Variants in SGCZ observed in about 807,000 individuals in gnomAD.
SGCZ encodes zeta-sarcoglycan.
SGCZ carries 40 observed loss-of-function variants against 41.3 expected under a neutral mutation model. The observed-to-expected ratio is 0.97, with a 90% CI of 0.75 to 1.26. The LOEUF is 1.26. Ranked by LOEUF, SGCZ falls within the 50% of genes most tolerant of loss-of-function variation. The pLI, the probability that SGCZ is intolerant of heterozygous loss-of-function variation, is 0.00. For synonymous variants in SGCZ, 206 were observed against 137.5 expected (o/e 1.50, Z -3.49); for missense variants, 552 against 369.8 (o/e 1.49, Z -4.04).
intron 5 of SGCZ, among the ~76,000 whole-genome samples, chr8:14,121,281 AATC>A (rs1382881887): frequency 2.0e-5 from 3 of 151,946 alleles, no homozygotes; most frequent in Non-Finnish European, 4.4e-5. Flanking sequence ...ATATTAGAAA[AATC>A]AACATGTCAC....
Position 14,118,126 on chromosome 8 carries a change from A to G in SGCZ, c.548-9891T>C, listed in dbSNP as rs143211955. On this transcript the variant is annotated intron_variant, in intron 5 of 7. Coordinates refer to ENST00000382080, the MANE Select transcript of SGCZ (RefSeq NM_139167.4). ...TAATGGGATTTCTAGGTCAAATGGT[A>G]TTTCTAGTTCTAGATCCTTGAGGAA... Among the ~76,000 whole-genome samples, 577 of 152,108 alleles carry G rather than the reference A, an allele frequency of 3.8e-3. 5 individuals are homozygous for G. Among genetic ancestry groups the G allele is most frequent in the Middle Eastern group, 0.024 (7 of 294 alleles).
intron 1 of SGCZ, among the ~76,000 whole-genome samples, chr8:14,926,859 G>T (rs28704701): frequency 0.12 from 18,576 of 151,842 alleles, 1,298 homozygotes; most frequent in African/African-American, 0.19. Context: ...CAGGAAGGTC[G>T]TGATCTCCTG....
intron 2 of SGCZ, among the ~76,000 whole-genome samples, chr8:14,462,124 T>G (rs1157555109): frequency 6.6e-6 from 1 of 152,076 alleles, no homozygotes; most frequent in Non-Finnish European, 1.5e-5. Context: ...CTCATAGACA[T>G]GTTTTAAATA....
At chr8:14,659,888 C>T (rs184876915) in intron 1 of SGCZ, among the ~76,000 whole-genome samples, 7 of 152,134 alleles carry the variant, frequency 4.6e-5, no homozygotes, top group African/African-American at 1.7e-4. Context: ...CACACTTTAG[C>T]CCTAATCCAG....
intron 1 of SGCZ, among the ~76,000 whole-genome samples, chr8:15,184,858 T>C (rs1400512985): frequency 2.0e-5 from 3 of 152,142 alleles, no homozygotes; most frequent in African/African-American, 7.2e-5. Context: ...CAAACATTCA[T>C]CACGCGTTCC....
intron 1 of SGCZ, among the ~76,000 whole-genome samples, chr8:14,763,300 G>A (rs371777616): frequency 1.3e-5 from 2 of 152,228 alleles, no homozygotes; most frequent in South Asian, 4.1e-4. Flanking sequence ...AAGCAGTTCA[G>A]TGTTTTTTCA....
intron 1 of SGCZ, among the ~76,000 whole-genome samples, chr8:15,010,811 C>G (rs1802799250): frequency 1.3e-5 from 2 of 152,150 alleles, no homozygotes; most frequent in African/African-American, 4.8e-5. Context: ...AGGTCCTTGT[C>G]ACCCATGGTG....
At chr8:14,678,098 CAT>C (rs1808332108) in intron 1 of SGCZ, among the ~76,000 whole-genome samples, 1 of 152,022 alleles carries the variant, frequency 6.6e-6, no homozygotes, top group Admixed American at 6.6e-5. Context: ...TTTCAAGTAA[CAT>C]AGGAGAAAAT....
At chr8:14,102,113 T>TG (rs1235625696) in intron 7 of SGCZ, among the ~76,000 whole-genome samples, 2 of 147,834 alleles carry the variant, frequency 1.4e-5, no homozygotes, top group Non-Finnish European at 3.0e-5. Context: ...TAATTTTTTT[T>TG]TTTTTTAGTA....
At chr8:14,266,750 G>C (rs531385309) in intron 3 of SGCZ, among the ~76,000 whole-genome samples, 3 of 152,032 alleles carry the variant, frequency 2.0e-5, no homozygotes, top group Non-Finnish European at 4.4e-5. Context: ...AAGCAACTAA[G>C]AGCAAAATCC....
At chr8:14,412,974 AT>A (rs1480305961) in intron 2 of SGCZ, among the ~76,000 whole-genome samples, 11 of 152,026 alleles carry the variant, frequency 7.2e-5, no homozygotes, top group Non-Finnish European at 1.6e-4. Context: ...GCTAGCATTC[AT>A]AATTTGTATA....
At chr8:14,919,373 G>A (rs374586701) in intron 1 of SGCZ, among the ~76,000 whole-genome samples, 1 of 151,870 alleles carries the variant, frequency 6.6e-6, no homozygotes. Flanking sequence ...CCCGGGAGGC[G>A]GAGGTTACAG....
chr8:14,833,449 T>C (rs1378936775), intron 1 of SGCZ, among the ~76,000 whole-genome samples: 2 of 152,204 alleles, frequency 1.3e-5, no homozygotes, highest in East Asian at 3.9e-4. Context: ...AGGTGAACTT[T>C]TCTGACCCAT....
intron 1 of SGCZ, among the ~76,000 whole-genome samples, chr8:14,595,400 A>AACACACACAGAC (rs1554459942): frequency 2.2e-5 from 3 of 136,316 alleles, no homozygotes; most frequent in African/African-American, 2.8e-5. Flanking sequence ...AACATGCACA[A>AACACACACAGAC]ACACACACAC....
At chr8:15,188,860 A>T (rs61252301) in intron 1 of SGCZ, among the ~76,000 whole-genome samples, 1 of 152,054 alleles carries the variant, frequency 6.6e-6, no homozygotes, top group African/African-American at 2.4e-5. Context: ...GCAGAGAGGA[A>T]GGGAATCTGG....
intron 3 of SGCZ, among the ~76,000 whole-genome samples, chr8:14,303,762 C>T (rs1801265994): frequency 6.6e-6 from 1 of 151,994 alleles, no homozygotes; most frequent in Admixed American, 6.6e-5. Flanking sequence ...TATCTATCTA[C>T]ATACATATGT....
chr8:14,988,467 T>C (rs1801900351), intron 1 of SGCZ, among the ~76,000 whole-genome samples: 1 of 152,098 alleles, frequency 6.6e-6, no homozygotes, highest in Non-Finnish European at 1.5e-5. Context: ...GACAAGCTTC[T>C]TTTATCTATA....
At chr8:14,261,552 T>C (rs146876357) in intron 3 of SGCZ, among the ~76,000 whole-genome samples, 79 of 152,286 alleles carry the variant, frequency 5.2e-4, no homozygotes, top group Non-Finnish European at 9.6e-4. Context: ...GTAAGAACAA[T>C]GCAAAACCAG....
At chr8:14,788,764 C>A (rs1325059721) in intron 1 of SGCZ, among the ~76,000 whole-genome samples, 1 of 152,118 alleles carries the variant, frequency 6.6e-6, no homozygotes, top group African/African-American at 2.4e-5. Flanking sequence ...AAATAAAGCG[C>A]TAGCTTCCTG....
Sources: gnomAD v4.1 joint callset for allele counts (sites outside exome capture counted in the v4.1 genomes callset) on GRCh38, gnomAD v4.1.1 for gene constraint, MANE v1.5 for transcripts, NCBI Gene and HGNC (gene_info 2026-07-23, HGNC 2026-07-21) for gene names.